The following GRIA4 variants were observed in gnomAD, a reference collection of about 807,000 sequenced individuals.
GRIA4 encodes the protein glutamate ionotropic receptor AMPA type subunit 4, also known as glutamate receptor 4.
In GRIA4, 34 loss-of-function variants were observed where a neutral mutation model predicts 104.0. The observed-to-expected ratio is 0.33, with a 90% CI of 0.25 to 0.44. The LOEUF is 0.44. Ranked by LOEUF, GRIA4 falls within the 20% of genes least tolerant of loss-of-function variation. GRIA4 has a pLI of 1.00. For missense variants in GRIA4, 750 were observed against 1,096.5 expected (o/e 0.68, Z 4.46); for synonymous variants, 386 against 381.9 (o/e 1.01, Z -0.13).
chr11:105,891,484 C>T (rs888861916), intron 6 of GRIA4, among the ~76,000 whole-genome samples: 1 of 152,140 alleles, frequency 6.6e-6, no homozygotes, highest in Non-Finnish European at 1.5e-5. Flanking sequence ...TTTATCCCTA[C>T]TTGACCCCAC....
chr11:105,724,769 G>A (rs1938088853), intron 3 of GRIA4, among the ~76,000 whole-genome samples: 1 of 152,054 alleles, frequency 6.6e-6, no homozygotes. Flanking sequence ...TGTACTTATA[G>A]CCCTTAAATT....
At chr11:105,636,916 G>C (rs1356123745) in intron 3 of GRIA4, among the ~76,000 whole-genome samples, 1 of 152,106 alleles carries the variant, frequency 6.6e-6, no homozygotes, top group Non-Finnish European at 1.5e-5. Context: ...TGATGTGTTT[G>C]AATTTTACCA....
chr11:105,648,556 G>GA (rs1358315676), intron 3 of GRIA4, among the ~76,000 whole-genome samples: 1 of 145,314 alleles, frequency 6.9e-6, no homozygotes, highest in African/African-American at 2.5e-5. Context: ...AATGCAAAAA[G>GA]AAAAAAATTT....
intron 4 of GRIA4, among the ~76,000 whole-genome samples, chr11:105,848,416 G>T (rs1289116689): frequency 1.3e-5 from 2 of 152,136 alleles, no homozygotes. Flanking sequence ...TTATTTTAAA[G>T]TGGTCATTTT....
At chr11:105,645,128 T>G (rs1306720946) in intron 3 of GRIA4, among the ~76,000 whole-genome samples, 1 of 152,068 alleles carries the variant, frequency 6.6e-6, no homozygotes, top group East Asian at 1.9e-4. Flanking sequence ...GGAAGGGTGG[T>G]GAGAAGGCAA....
At chr11:105,693,766 A>G (rs1465326722) in intron 3 of GRIA4, among the ~76,000 whole-genome samples, 2 of 152,198 alleles carry the variant, frequency 1.3e-5, no homozygotes, top group Non-Finnish European at 2.9e-5. Context: ...AGAAATATCT[A>G]CAGCACAGAG....
chr11:105,963,561 C>T (rs965239858), intron 14 of GRIA4, among the ~76,000 whole-genome samples: 4 of 152,100 alleles, frequency 2.6e-5, no homozygotes, highest in Admixed American at 2.0e-4. Context: ...TGAGGGACCA[C>T]ATGTTTCTGG....
intron 4 of GRIA4, among the ~76,000 whole-genome samples, chr11:105,804,898 A>G (rs780151080): frequency 5.3e-5 from 8 of 151,904 alleles, no homozygotes; most frequent in Non-Finnish European, 1.2e-4. Flanking sequence ...TTTTTTCCAA[A>G]GAGAACATAA....
At chr11:105,881,573 A>T (rs1457330752) in intron 5 of GRIA4, among the ~76,000 whole-genome samples, 1 of 152,120 alleles carries the variant, frequency 6.6e-6, no homozygotes, top group Non-Finnish European at 1.5e-5. Flanking sequence ...AGAGATCACT[A>T]CTTTGAGAGG....
intron 14 of GRIA4, among the ~76,000 whole-genome samples, chr11:105,952,839 T>G (rs1236957969): frequency 6.6e-6 from 1 of 152,306 alleles, no homozygotes; most frequent in East Asian, 1.9e-4. Context: ...CTTACAAAAA[T>G]TTTTCTCTCC....
chr11:105,765,750 C>A (rs1324279026), intron 4 of GRIA4, among the ~76,000 whole-genome samples: 3 of 152,172 alleles, frequency 2.0e-5, no homozygotes, highest in African/African-American at 7.2e-5. Flanking sequence ...TTTATGGCTA[C>A]TTTCCCACTT....
rs540079566 is a variant in GRIA4 at position 105,853,454 on chromosome 11, C to T, written c.488-8570C>T. ...TGGGCTTCTACAACTCATGACCTCTCTCTGCCATTTGTAGAGTTGTAGAGT... is the reference window on the plus strand; with the variant it reads ...TGGGCTTCTACAACTCATGACCTCTTTCTGCCATTTGTAGAGTTGTAGAGT... On this transcript the variant is annotated intron_variant, in intron 4 of 16. Transcript: ENST00000282499. Among the ~76,000 whole-genome samples the T allele has an allele frequency of 1.3e-5, 2 of 152,290 alleles. 1 individual carries two copies. Among genetic ancestry groups the T allele is most frequent in the South Asian group, 4.1e-4 (2 of 4,830 alleles).
chr11:105,965,469 G>T (rs1040345863), intron 14 of GRIA4, among the ~76,000 whole-genome samples: 9 of 151,616 alleles, frequency 5.9e-5, no homozygotes, highest in African/African-American at 2.2e-4. Context: ...AAAAATAAAG[G>T]GAGTAATAAT....
chr11:105,979,628 T>G lies in GRIA4; in HGVS notation c.2598T>G (p.Ser866Arg), dbSNP rs1414113147. The change falls in exon 17 of 17, where the codon AGT (serine) becomes AGG (arginine). Residue 866 changes from serine to arginine, a missense_variant. Physicochemically the swap from Ser to Arg is moderately radical, Grantham distance 110. Coordinates refer to ENST00000282499, the MANE Select transcript of GRIA4 (RefSeq NM_000829.4). Reference sequence around the variant, plus strand: ...AAGCCAGATTATCCATCACTGGGAGTGTGGGAGAGAATGGCCGCGTCTTGA... The same window carrying G: ...AAGCCAGATTATCCATCACTGGGAGGGTGGGAGAGAATGGCCGCGTCTTGA... ...RNKARLSITG[S>R]VGENGRVLTP... is the part of the protein sequence containing the mutation. 8.7e-6 allele frequency: 14 copies of G among 1,613,718 alleles called. No homozygotes were observed. Among genetic ancestry groups the G allele is most frequent in the Non-Finnish European group, 1.2e-5 (14 of 1,179,784 alleles).
chr11:105,610,954 G>T lies in GRIA4; in HGVS notation c.-44G>T. On this transcript the variant is annotated 5_prime_UTR_variant, in exon 2 of 17. Transcript: ENST00000282499. ...TCTGAACAGCCTTTAGGAAGAGTGC[G>T]AGAGAAAGAGAGAGAGCGCGCGCCA... The T allele has an allele frequency of 3.3e-6, 4 of 1,224,574 alleles. No individual in the cohort carries two copies. The highest frequency in any genetic ancestry group is 4.8e-6 in the Non-Finnish European group (4 of 828,740). 75.9% of individuals were successfully genotyped at this position (1,224,574 alleles called of 1,614,324 possible).
At chr11:105,780,681 T>C (rs745769990) in intron 4 of GRIA4, among the ~76,000 whole-genome samples, 6 of 152,186 alleles carry the variant, frequency 3.9e-5, no homozygotes, top group Non-Finnish European at 5.9e-5. Context: ...CTTTTTGTTC[T>C]TATTATTTTC....
intron 14 of GRIA4, among the ~76,000 whole-genome samples, chr11:105,964,383 A>G (rs1948809865): frequency 6.6e-6 from 1 of 152,238 alleles, no homozygotes. Flanking sequence ...GATCATCACA[A>G]AATGGAAAAG....
At chr11:105,970,106 A>G (rs1858609390) in intron 14 of GRIA4, among the ~76,000 whole-genome samples, 1 of 152,254 alleles carries the variant, frequency 6.6e-6, no homozygotes, top group Non-Finnish European at 1.5e-5. Flanking sequence ...CCTCAAATTC[A>G]GCTTTTAGTA....
intron 3 of GRIA4, among the ~76,000 whole-genome samples, chr11:105,703,462 A>G (rs1275739586): frequency 6.6e-6 from 1 of 152,182 alleles, no homozygotes; most frequent in Admixed American, 6.6e-5. Flanking sequence ...GATAGAATTC[A>G]AAACTAAAAA....
Sources: allele counts gnomAD v4.1 joint callset (sites outside exome capture counted in the v4.1 genomes callset), GRCh38; gene constraint gnomAD v4.1.1; transcripts MANE v1.5; gene names NCBI Gene and HGNC (gene_info 2026-07-23, HGNC 2026-07-21).